Variants in PLXDC1 observed in about 807,000 individuals in gnomAD.
PLXDC1 encodes the protein plexin domain-containing protein 1.
PLXDC1 carries 39 observed loss-of-function variants against 61.3 expected under a neutral mutation model. That is an observed-to-expected ratio of 0.64 (90% CI 0.49 to 0.83). PLXDC1 has a LOEUF of 0.83. Ranked by LOEUF, PLXDC1 falls within the 40% of genes least tolerant of loss-of-function variation. The pLI, the probability that PLXDC1 is intolerant of heterozygous loss-of-function variation, is 0.00. For synonymous variants in PLXDC1, 212 were observed against 254.5 expected (o/e 0.83, Z 1.59); for missense variants, 596 against 666.5 (o/e 0.89, Z 1.17).
chr17:39,104,215 G>C (rs189068181), intron 7 of PLXDC1, among the ~76,000 whole-genome samples: 1 of 152,310 alleles, frequency 6.6e-6, no homozygotes, highest in Admixed American at 6.5e-5. Context: ...TGCAGCAGCT[G>C]TAGGGGCAAA....
rs1911832765 is a variant in PLXDC1, at chr17:39,138,688, G to A, written c.255+966C>T. 1.3e-5 allele frequency among the ~76,000 whole-genome samples: 2 copies of A among 151,974 alleles called. 1 individual carries two copies. Among genetic ancestry groups the A allele is most frequent in the South Asian group, 4.1e-4 (2 of 4,824 alleles). On this transcript the variant is annotated intron_variant, in intron 2 of 13. Coordinates refer to ENST00000315392, the MANE Select transcript of PLXDC1 (RefSeq NM_020405.5). ...CCCAGGGGAGAGGAGGGGCAGGACT[G>A]CTGTTTTGTTTTATGATTTTAGCAC...
rs1274143170 is a variant in PLXDC1, at chr17:39,117,763, C to G, written c.256-8372G>C. On this transcript the variant is annotated intron_variant, in intron 2 of 13. Transcript: ENST00000315392. ...TCACAAAACAAAACCAAGAGACATGCCTTTTACTTTCTGGAAGCAGAGCTG... is the reference window on the plus strand; with the variant it reads ...TCACAAAACAAAACCAAGAGACATGGCTTTTACTTTCTGGAAGCAGAGCTG... Among the ~76,000 whole-genome samples the G allele has an allele frequency of 3.7e-4, 56 of 152,116 alleles. 1 individual carries two copies. Among genetic ancestry groups the G allele is most frequent in the Non-Finnish European group, 2.9e-5 (2 of 68,026 alleles).
chr17:39,111,431 C>T (rs1231425719), intron 2 of PLXDC1, among the ~76,000 whole-genome samples: 2 of 152,176 alleles, frequency 1.3e-5, no homozygotes, highest in Non-Finnish European at 2.9e-5. Context: ...ATTACAGGCA[C>T]ACGCCTCCAC....
chr17:39,129,995 C>T (rs905973504), intron 2 of PLXDC1, among the ~76,000 whole-genome samples: 2 of 152,014 alleles, frequency 1.3e-5, no homozygotes, highest in African/African-American at 4.8e-5. Context: ...GTGAAAGAAA[C>T]CAGACATAAA....
chr17:39,142,148 C>T (rs1465548739), intron 1 of PLXDC1, among the ~76,000 whole-genome samples: 7 of 152,154 alleles, frequency 4.6e-5, no homozygotes, highest in Admixed American at 4.6e-4. Context: ...CAATGAAAAA[C>T]GTCTCCAAAC....
intron 2 of PLXDC1, chr17:39,132,031 G>A (rs1202165999): frequency 6.6e-6 from 1 of 152,602 alleles, no homozygotes; most frequent in Admixed American, 6.5e-5. Context: ...AGGAGGTTTT[G>A]CTTGAGCCAG....
At chr17:39,146,953 T>TC (rs1263890610) in intron 1 of PLXDC1, among the ~76,000 whole-genome samples, 250 of 138,824 alleles carry the variant, frequency 1.8e-3, no homozygotes, top group African/African-American at 6.2e-3. Flanking sequence ...AAATGATTTT[T>TC]TTTTTTTTTT....
chr17:39,100,428 G>A (rs566738203), intron 7 of PLXDC1, among the ~76,000 whole-genome samples: 3 of 152,216 alleles, frequency 2.0e-5, no homozygotes, highest in South Asian at 4.1e-4. Flanking sequence ...GCTAACTTTT[G>A]TATTTTTAGT....
intron 2 of PLXDC1, among the ~76,000 whole-genome samples, chr17:39,128,107 A>ATACATATATATATGTATATATG (rs1911387079): frequency 9.9e-6 from 1 of 100,632 alleles, no homozygotes; most frequent in African/African-American, 4.3e-5. Flanking sequence ...GTATATATAT[A>ATACATATATATATGTATATATG]TATATATGTA....
chr17:39,139,748 T>C lies in PLXDC1; in HGVS notation c.161A>G (p.His54Arg). The part of the protein sequence containing the change: ...WNRRARESPG[H>R]VSEPDRTQLS... ...CTGGGTCCTGTCCGGCTCTGACACA[T>C]GCCCAGGGCTCTCTCGGGCTCTCCG... The change falls in exon 2 of 14, where the codon CAT becomes CGT. Residue 54 changes from histidine to arginine, a missense_variant. Transcript: ENST00000315392. 1 of 1,614,012 alleles carries C rather than the reference T, an allele frequency of 6.2e-7. No homozygotes were observed. Among genetic ancestry groups the C allele is most frequent in the Non-Finnish European group, 8.5e-7 (1 of 1,180,002 alleles).
intron 2 of PLXDC1, among the ~76,000 whole-genome samples, chr17:39,131,344 C>T (rs1229777275): frequency 6.8e-6 from 1 of 146,026 alleles, no homozygotes; most frequent in Non-Finnish European, 1.5e-5. Context: ...AGAATCTCTT[C>T]TCTCTTTTTC....
Position 39,144,163 on chromosome 17 carries a change from A to G in PLXDC1, c.77-4331T>C, listed in dbSNP as rs375052865. ...GGAGGGGGCCCAGCTGGGGGTGGCC[A>G]GGGAAGAGACACTGGGTTGACCTCC... On this transcript the variant is annotated intron_variant, in intron 1 of 13. Coordinates refer to ENST00000315392, the MANE Select transcript of PLXDC1 (RefSeq NM_020405.5). Among the ~76,000 whole-genome samples the G allele has an allele frequency of 2.0e-3, 297 of 152,262 alleles. 2 individuals are homozygous for G. The highest frequency in any genetic ancestry group is 6.0e-3 in the African/African-American group (248 of 41,556).
intron 7 of PLXDC1, among the ~76,000 whole-genome samples, chr17:39,093,149 C>G (rs1383688752): frequency 6.6e-6 from 1 of 152,210 alleles, no homozygotes; most frequent in Non-Finnish European, 1.5e-5. Flanking sequence ...CTCACTGCAG[C>G]CTTGGCTTCG....
upstream of PLXDC1, chr17:39,152,630 C>T (rs1467148238): frequency 8.0e-7 from 1 of 1,245,750 alleles, no homozygotes; most frequent in East Asian, 3.1e-5. Flanking sequence ...TGGGCTGGGG[C>T]CTAGGGACTA....
chr17:39,107,359 G>A (rs772898647), intron 6 of PLXDC1, 48 bp downstream of exon 6: 162 of 1,109,742 alleles, frequency 1.5e-4, no homozygotes, highest in Non-Finnish European at 1.6e-4. Context: ...TTTGCTGAAT[G>A]AAGAAAGGCT....
At chr17:39,109,026 G>GCA in intron 3 of PLXDC1, 53 bp from the exon 4 acceptor site, 1 of 1,432,880 alleles carries the variant, frequency 7.0e-7, no homozygotes, top group Non-Finnish European at 9.8e-7. Flanking sequence ...CCAGGGGCCT[G>GCA]GGCACCCACA....
At chr17:39,101,567 G>A (rs375157620) in intron 7 of PLXDC1, among the ~76,000 whole-genome samples, 4 of 152,148 alleles carry the variant, frequency 2.6e-5, no homozygotes, top group African/African-American at 4.8e-5. Context: ...ACCAGCCAAC[G>A]GGCCCATGGA....
chr17:39,074,457 G>A (rs1447764949), intron 11 of PLXDC1, among the ~76,000 whole-genome samples: 2 of 152,136 alleles, frequency 1.3e-5, no homozygotes, highest in African/African-American at 2.4e-5. Context: ...AATGTTTTCT[G>A]TTGGGAACCA....
At chr17:39,078,956 T>C in intron 10 of PLXDC1, 148 bp downstream of exon 10, 2 of 651,394 alleles carry the variant, frequency 3.1e-6, no homozygotes, top group Non-Finnish European at 5.4e-6. Flanking sequence ...CTCAAGGCAG[T>C]CTGGAAAACA....
Sources: gnomAD v4.1 joint callset for allele counts (sites outside exome capture counted in the v4.1 genomes callset) on GRCh38, gnomAD v4.1.1 for gene constraint, MANE v1.5 for transcripts, NCBI Gene and HGNC (gene_info 2026-07-23, HGNC 2026-07-21) for gene names.